Variants in EYA1 observed in about 807,000 individuals in gnomAD.
EYA1 encodes the protein EYA transcriptional coactivator and phosphatase 1.
Under a neutral mutation model 82.0 loss-of-function variants are expected in EYA1, and 16 were observed. The ratio of observed to expected loss-of-function variants is 0.20; its 90% confidence interval spans 0.13 to 0.30. The LOEUF (loss-of-function observed/expected upper bound fraction) is 0.30, where lower values mean the gene tolerates loss of function less well. Ranked by LOEUF, EYA1 falls within the 10% of genes least tolerant of loss-of-function variation. The pLI is 1.00. For missense variants in EYA1, 633 were observed against 730.7 expected, an observed-to-expected ratio of 0.87 and a Z score of 1.54; for synonymous variants, 261 against 264.4, an observed-to-expected ratio of 0.99 and a Z score of 0.12.
rs183491048 is a variant in EYA1, at chr8:71,445,889, T to A, written c.34-89378A>T. Reference sequence around the variant, plus strand: ...TTTCATAAATTAACAAAGGTATGAGTTATACAGGACTTTGTCTTACATCGT... The same window carrying A: ...TTTCATAAATTAACAAAGGTATGAGATATACAGGACTTTGTCTTACATCGT... On this transcript the variant is annotated intron_variant, in intron 2 of 18. Transcript: ENST00000643681. Among the ~76,000 whole-genome samples, 5 of 152,256 alleles carry A rather than the reference T, an allele frequency of 3.3e-5. No homozygotes were observed. The East Asian group carries it at 7.7e-4, about 24-fold the overall frequency.
At chr8:71,310,114 G>A (rs1031180) in intron 7 of EYA1, among the ~76,000 whole-genome samples, 103,473 of 152,034 alleles carry the variant, frequency 0.68, 35,570 homozygotes, top group East Asian at 0.87. Context: ...ATTCTGGGAC[G>A]ATAAAACACT....
In EYA1 at chr8:71,376,771, A is replaced by G. The variant is rs55944078; in HGVS notation, c.34-20260T>C. Among the ~76,000 whole-genome samples, 322 of 152,260 alleles carry G rather than the reference A, an allele frequency of 2.1e-3. 2 individuals carry two copies. Among genetic ancestry groups the G allele is most frequent in the African/African-American group, 7.3e-3 (304 of 41,556 alleles). The stretch of plus-strand genomic sequence containing the variant: ...TTCTTCTTTCTGCTTTCTTGCTCAT[A>G]CAAGAACATGACATAAATCCAAAAA... On this transcript the variant is annotated intron_variant, in intron 2 of 18. Coordinates refer to the EYA1 transcript ENST00000643681.
At chr8:71,424,391 A>G (rs138551333) in intron 2 of EYA1, among the ~76,000 whole-genome samples, 8 of 152,374 alleles carry the variant, frequency 5.3e-5, no homozygotes, top group African/African-American at 1.9e-4. Context: ...TTTCAAAATT[A>G]AAGTTCTAAT....
chr8:71,223,093 C>T (rs996433922), intron 12 of EYA1, among the ~76,000 whole-genome samples: 5 of 152,150 alleles, frequency 3.3e-5, no homozygotes, highest in South Asian at 2.1e-4. Context: ...CTGTAGTAAC[C>T]GGGTCTCTGC....
At chr8:71,391,053 A>C (rs1339579569) in intron 2 of EYA1, among the ~76,000 whole-genome samples, 1 of 152,084 alleles carries the variant, frequency 6.6e-6, no homozygotes, top group Non-Finnish European at 1.5e-5. Context: ...GGCTCACTGC[A>C]ACCTCCACCT....
chr8:71,451,263 A>G (rs927070788), intron 2 of EYA1, among the ~76,000 whole-genome samples: 1 of 152,246 alleles, frequency 6.6e-6, no homozygotes, highest in Non-Finnish European at 1.5e-5. Flanking sequence ...CATCACAGCA[A>G]TAAGTATAGA....
chr8:71,215,496 C>T lies in EYA1; in HGVS notation c.1488G>A (p.Val496=), dbSNP rs751443883. The T allele has an allele frequency of 2.9e-5, 46 of 1,613,642 alleles. No homozygotes were observed. The highest frequency in any genetic ancestry group is 3.8e-5 in the Non-Finnish European group (45 of 1,179,706). ...GCTGAGTAGTTGTTACTAAAATATT[C>T]ACACAGTTTGTCCTATGAGAACAAA... is the stretch of plus-strand genomic sequence containing the variant. The part of the protein sequence containing the change: ...LSLIHSRTNC[V]NILVTTTQLI... The change falls in exon 16 of 18, where the codon GTG becomes GTA. Residue 496 remains valine (V), a synonymous_variant. Coordinates refer to ENST00000340726, the MANE Select transcript of EYA1 (RefSeq NM_000503.6).
chr8:71,213,983 C>G (rs1034995441), intron 16 of EYA1, among the ~76,000 whole-genome samples: 1 of 151,980 alleles, frequency 6.6e-6, no homozygotes, highest in Non-Finnish European at 1.5e-5. Flanking sequence ...TACAGTATGA[C>G]GGGGAAGTCA....
intron 10 of EYA1, among the ~76,000 whole-genome samples, chr8:71,271,273 T>C (rs1480960688): frequency 6.6e-6 from 1 of 152,230 alleles, no homozygotes; most frequent in African/African-American, 2.4e-5. Flanking sequence ...GCATTTGTCC[T>C]TTGTGTTAAA....
At chr8:71,308,516 G>GT (rs981184637) in intron 7 of EYA1, among the ~76,000 whole-genome samples, 2 of 152,084 alleles carry the variant, frequency 1.3e-5, no homozygotes, top group African/African-American at 4.8e-5. Flanking sequence ...ATGCAGTTCT[G>GT]TAAGTGCTAA....
chr8:71,461,140 T>C (rs1417206261), intron 2 of EYA1, among the ~76,000 whole-genome samples: 2 of 152,114 alleles, frequency 1.3e-5, no homozygotes, highest in Non-Finnish European at 2.9e-5. Flanking sequence ...CCTTGAGGTG[T>C]TGCTTTTCTG....
At chr8:71,413,223 C>T (rs1238945748) in intron 2 of EYA1, among the ~76,000 whole-genome samples, 2 of 152,214 alleles carry the variant, frequency 1.3e-5, no homozygotes, top group African/African-American at 4.8e-5. Context: ...TTAAGAGTCT[C>T]TAAGCATCCA....
intron 2 of EYA1, among the ~76,000 whole-genome samples, chr8:71,490,689 A>C (rs1810927592): frequency 6.6e-6 from 1 of 152,250 alleles, no homozygotes; most frequent in Non-Finnish European, 1.5e-5. Context: ...AACATGTCTT[A>C]AAACTTGTTT....
At chr8:71,295,154 A>T (rs1434246233) in intron 9 of EYA1, among the ~76,000 whole-genome samples, 3 of 152,204 alleles carry the variant, frequency 2.0e-5, no homozygotes, top group African/African-American at 7.2e-5. Flanking sequence ...ACACAGGAGA[A>T]AATCTAGATG....
chr8:71,251,693 G>A (rs1813765914), intron 11 of EYA1, among the ~76,000 whole-genome samples: 1 of 152,106 alleles, frequency 6.6e-6, no homozygotes, highest in African/African-American at 2.4e-5. Context: ...TCTGTCAAGT[G>A]GTCTTTAATT....
At chr8:71,280,859 C>T (rs1372237871) in intron 9 of EYA1, among the ~76,000 whole-genome samples, 15 of 152,154 alleles carry the variant, frequency 9.9e-5, no homozygotes, top group East Asian at 9.6e-4. Context: ...GGTGATCCTT[C>T]CACCTTAGCC....
intron 12 of EYA1, among the ~76,000 whole-genome samples, chr8:71,228,195 T>A (rs1452714894): frequency 6.6e-6 from 1 of 152,142 alleles, no homozygotes; most frequent in Non-Finnish European, 1.5e-5. Context: ...GGAGAGGACC[T>A]TGGAGGGGCA....
chr8:71,390,117 AATATTCCTT>A (rs1431732295), intron 2 of EYA1, among the ~76,000 whole-genome samples: 1 of 151,982 alleles, frequency 6.6e-6, no homozygotes, highest in African/African-American at 2.4e-5. Flanking sequence ...TATATTCCTG[AATATTCCTT>A]ATATTCCTTT....
chr8:71,470,493 G>T (rs1809107526), intron 2 of EYA1, among the ~76,000 whole-genome samples: 1 of 151,984 alleles, frequency 6.6e-6, no homozygotes, highest in Non-Finnish European at 1.5e-5. Context: ...TGCAAAAGTA[G>T]TCGAGCTTTT....
Sources: gnomAD v4.1 joint callset for allele counts (sites outside exome capture counted in the v4.1 genomes callset) on GRCh38, gnomAD v4.1.1 for gene constraint, MANE v1.5 for transcripts, NCBI Gene and HGNC (gene_info 2026-07-23, HGNC 2026-07-21) for gene names.